Variants in CNIH3 observed in about 807,000 individuals in gnomAD.
The protein encoded by CNIH3 is cornichon family AMPA receptor auxiliary protein 3.
A neutral mutation model predicts 24.1 loss-of-function variants in CNIH3; 14 were observed. The observed-to-expected ratio is 0.58, with a 90% CI of 0.38 to 0.91. The LOEUF (loss-of-function observed/expected upper bound fraction) is 0.91. CNIH3 is among the 40% of genes least tolerant of loss of function. CNIH3 has a pLI of 0.00. For missense variants in CNIH3, 178 were observed against 196.8 expected, an observed-to-expected ratio of 0.90 and a Z score of 0.57; for synonymous variants, 68 against 73.8, an observed-to-expected ratio of 0.92 and a Z score of 0.40.
intron 3 of CNIH3, among the ~76,000 whole-genome samples, chr1:224,551,410 A>G (rs1214038315): frequency 1.3e-5 from 2 of 152,186 alleles, no homozygotes; most frequent in Admixed American, 6.6e-5. Context: ...TGATGAGTTC[A>G]TGTCCTTTGT....
chr1:224,540,681 C>A (rs574880344), downstream of CNIH3, among the ~76,000 whole-genome samples: 13 of 152,200 alleles, frequency 8.5e-5, no homozygotes, highest in Admixed American at 3.3e-4. Context: ...TGTAAGCTAG[C>A]AGAATTTGTA....
chr1:224,539,855 T>C (rs141485412), downstream of CNIH3, among the ~76,000 whole-genome samples: 270 of 152,346 alleles, frequency 1.8e-3, 1 homozygote, highest in African/African-American at 6.2e-3. Context: ...TTTTCTATTC[T>C]AGTACTTCTT....
chr1:224,687,111 G>A (rs550492679), intron 3 of CNIH3, among the ~76,000 whole-genome samples: 118 of 152,272 alleles, frequency 7.7e-4, no homozygotes, highest in Non-Finnish European at 1.4e-3. Flanking sequence ...AAGACTTTAG[G>A]TGTTGTGGCT....
intron 1 of CNIH3, among the ~76,000 whole-genome samples, chr1:224,652,134 C>T (rs572019686): frequency 1.7e-4 from 26 of 152,168 alleles, no homozygotes; most frequent in South Asian, 1.5e-3. Context: ...CCTGGGATTT[C>T]GACCTGGGAT....
At chr1:224,709,992 TTTA>T (rs1177744570) in intron 3 of CNIH3, among the ~76,000 whole-genome samples, 47 of 152,324 alleles carry the variant, frequency 3.1e-4, no homozygotes, top group African/African-American at 1.0e-3. Flanking sequence ...ATTAATTATC[TTTA>T]TTATTAATAA....
chr1:224,694,012 G>A (rs997557087), intron 3 of CNIH3, among the ~76,000 whole-genome samples: 10 of 152,272 alleles, frequency 6.6e-5, no homozygotes, highest in Non-Finnish European at 1.5e-4. Flanking sequence ...TGAGTGTTTG[G>A]TAGATGTTCT....
chr1:224,448,566 C>T (rs1411025421), intron 1 of CNIH3, among the ~76,000 whole-genome samples: 1 of 152,164 alleles, frequency 6.6e-6, no homozygotes, highest in African/African-American at 2.4e-5. Context: ...TCTGTTCTTT[C>T]TCTGAGGTGA....
At position 224,703,269 on chromosome 1, in the gene CNIH3, C is replaced by T. The variant is rs189247772; in HGVS notation, c.198+18426C>T. Among the ~76,000 whole-genome samples, 376 of 152,154 alleles carry T rather than the reference C, an allele frequency of 2.5e-3. 2 individuals are homozygous for T. In the Middle Eastern group the frequency reaches 0.027, roughly 11 times the overall value. ...AGGGCAGAGGGCTGGCCAAGGTAGA[C>T]GTGACCACCGGACCAGCTGAGCCAC... On this transcript the variant is annotated intron_variant, in intron 3 of 5. Transcript: ENST00000272133. The surrounding 1 kb of genome is among the most constrained non-coding windows in gnomAD (Gnocchi z 4.2).
rs1396174870 is a variant in CNIH3, at chr1:224,517,301, G to A, written n.15+1425G>A. 3.9e-5 allele frequency among the ~76,000 whole-genome samples: 6 copies of A among 152,056 alleles called. No homozygotes were observed. The East Asian group carries it at 5.8e-4, about 15-fold the overall frequency. On this transcript the variant is annotated intron_variant and non_coding_transcript_variant, in intron 1 of 2. Coordinates refer to the CNIH3 transcript ENST00000470602. The stretch of plus-strand genomic sequence containing the variant: ...AATGCCAGCTGGGAGCCTATTTAAC[G>A]GAGCCATTTCATAAATCGGGATGCT...
chr1:224,708,030 C>G (rs1450970123), intron 3 of CNIH3, among the ~76,000 whole-genome samples: 2 of 152,192 alleles, frequency 1.3e-5, no homozygotes, highest in Admixed American at 6.5e-5. Context: ...CCATCCTGCT[C>G]CCTGTCTCTG....
chr1:224,639,147 G>A (rs1185034233), intron 1 of CNIH3, among the ~76,000 whole-genome samples: 3 of 152,210 alleles, frequency 2.0e-5, no homozygotes, highest in Non-Finnish European at 4.4e-5. Context: ...AGGACCCCAG[G>A]GTCATGGGAG....
chr1:224,567,456 T>C (rs980798115), intron 4 of CNIH3, among the ~76,000 whole-genome samples: 2 of 152,238 alleles, frequency 1.3e-5, no homozygotes, highest in African/African-American at 4.8e-5. Context: ...GCCTGTGTCC[T>C]GAGATTTATA....
chr1:224,556,346 C>A (rs1680140025), intron 3 of CNIH3, among the ~76,000 whole-genome samples: 2 of 152,152 alleles, frequency 1.3e-5, no homozygotes, highest in South Asian at 4.1e-4. Flanking sequence ...CCTCTCTAAG[C>A]CTCCATTTCT....
chr1:224,490,223 C>T (rs562616905), intron 1 of CNIH3, among the ~76,000 whole-genome samples: 36 of 152,140 alleles, frequency 2.4e-4, no homozygotes, highest in African/African-American at 7.5e-4. Flanking sequence ...GGTGGAAAAC[C>T]GGTGTTTTTC....
intron 1 of CNIH3, among the ~76,000 whole-genome samples, chr1:224,443,317 T>G (rs1674997620): frequency 6.6e-6 from 1 of 152,136 alleles, no homozygotes; most frequent in African/African-American, 2.4e-5. Context: ...TACAACTACT[T>G]GCATCTATCT....
chr1:224,734,678 C>G lies in CNIH3; in HGVS notation c.427C>G (p.Leu143Val), dbSNP rs1689505439. The change falls in exon 5 of 6, where the codon CTC becomes GTC. Residue 143 changes from leucine to valine, a missense_variant. By Grantham distance (32) the Leu-to-Val change is conservative. Coordinates refer to ENST00000272133, the MANE Select transcript of CNIH3 (RefSeq NM_152495.2). ...KEAWCKLAFY[L>V]LSFFYYLYCM... ...GGCCTGGTGTAAGCTGGCCTTCTAT[C>G]TCCTCTCCTTCTTCTACTACCTTTA... The G allele has an allele frequency of 1.9e-6, 3 of 1,614,184 alleles. No homozygotes were observed. Among genetic ancestry groups the G allele is most frequent in the Non-Finnish European group, 2.5e-6 (3 of 1,180,004 alleles).
chr1:224,687,649 GT>G (rs1686725778), intron 3 of CNIH3, among the ~76,000 whole-genome samples: 1 of 152,184 alleles, frequency 6.6e-6, no homozygotes, highest in Non-Finnish European at 1.5e-5. Context: ...ACCTGAGATT[GT>G]TTTCAGTGAT....
intron 1 of CNIH3, among the ~76,000 whole-genome samples, chr1:224,669,326 C>T (rs1371511552): frequency 6.6e-6 from 1 of 152,170 alleles, no homozygotes; most frequent in African/African-American, 2.4e-5. Flanking sequence ...CCAAAGTGTC[C>T]TGTGTTTCCC....
chr1:224,605,001 A>G (rs1453892338), intron 3 of CNIH3, among the ~76,000 whole-genome samples: 2 of 152,316 alleles, frequency 1.3e-5, no homozygotes, highest in East Asian at 3.9e-4. Flanking sequence ...TTATGGATTC[A>G]GAATGGGGAA....
Sources: gnomAD v4.1 joint callset for allele counts (sites outside exome capture counted in the v4.1 genomes callset) on GRCh38, gnomAD v4.1.1 for gene constraint, Gnocchi (gnomAD v3.1) non-coding constraint, MANE v1.5 for transcripts, NCBI Gene and HGNC (gene_info 2026-07-23, HGNC 2026-07-21) for gene names.